The following SUMF1 variants were observed in gnomAD, a reference collection of about 807,000 sequenced individuals.
SUMF1 encodes the protein formylglycine-generating enzyme.
SUMF1 carries 48 observed loss-of-function variants against 47.6 expected under a neutral mutation model. That is an observed-to-expected ratio of 1.01 (90% CI 0.80 to 1.28). SUMF1 has a LOEUF of 1.28. SUMF1 is among the 50% of genes most tolerant of loss of function. The probability of loss-of-function intolerance (pLI) is 0.00; values close to 1 mark genes in which losing one functional copy is unlikely to be tolerated. For synonymous variants in SUMF1, 230 were observed against 192.1 expected (o/e 1.20, Z -1.63); for missense variants, 571 against 485.4 (o/e 1.18, Z -1.66).
intron 8 of SUMF1, among the ~76,000 whole-genome samples, chr3:4,167,591 G>C (rs943910257): frequency 6.6e-6 from 1 of 152,082 alleles, no homozygotes; most frequent in East Asian, 1.9e-4. Context: ...GCTAGCTACA[G>C]AGCGCTGATT....
At chr3:4,170,425 T>C (rs1694806993) in intron 8 of SUMF1, among the ~76,000 whole-genome samples, 1 of 152,150 alleles carries the variant, frequency 6.6e-6, no homozygotes, top group South Asian at 2.1e-4. Context: ...TGGCCACACT[T>C]TGAGAACTGC....
At chr3:4,262,888 G>A (rs1031442455) in intron 8 of SUMF1, among the ~76,000 whole-genome samples, 1 of 152,156 alleles carries the variant, frequency 6.6e-6, no homozygotes, top group African/African-American at 2.4e-5. Context: ...GCTACGTAAA[G>A]AAGAAAAGGA....
At chr3:4,312,871 G>C in intron 8 of SUMF1, 2 of 1,581,438 alleles carry the variant, frequency 1.3e-6, no homozygotes, top group Non-Finnish European at 1.7e-6. Flanking sequence ...ATGCCGTGCT[G>C]ACTTACAGTG....
At chr3:4,424,061 A>T (rs955367335) in intron 3 of SUMF1, among the ~76,000 whole-genome samples, 4 of 152,206 alleles carry the variant, frequency 2.6e-5, no homozygotes. Context: ...TAGCAATTGC[A>T]GGAACAGCTT....
intron 8 of SUMF1, among the ~76,000 whole-genome samples, chr3:4,321,592 TAATA>T (rs767940816): frequency 6.6e-5 from 10 of 151,310 alleles, no homozygotes; most frequent in Non-Finnish European, 1.2e-4. Context: ...TTGAGCAAGA[TAATA>T]AATAAAGTAG....
intron 8 of SUMF1, among the ~76,000 whole-genome samples, chr3:4,212,410 C>A (rs919510249): frequency 9.2e-5 from 14 of 152,078 alleles, no homozygotes; most frequent in Non-Finnish European, 1.6e-4. Flanking sequence ...ATCCGACGGT[C>A]ACCAACATCA....
At chr3:4,396,816 G>A (rs111917386) in intron 7 of SUMF1, among the ~76,000 whole-genome samples, 28 of 152,272 alleles carry the variant, frequency 1.8e-4, no homozygotes, top group African/African-American at 6.3e-4. Flanking sequence ...GAGGCCCCAG[G>A]AGAATGATTA....
chr3:4,341,701 T>TA (rs1309985124), intron 8 of SUMF1, among the ~76,000 whole-genome samples: 1 of 152,178 alleles, frequency 6.6e-6, no homozygotes, highest in African/African-American at 2.4e-5. Flanking sequence ...ACTCCCCATT[T>TA]AAAAAAATTT....
intron 1 of SUMF1, 65 bp downstream of exon 1, chr3:4,466,911 G>T (rs772942101): frequency 2.5e-5 from 40 of 1,572,580 alleles, no homozygotes; most frequent in Admixed American, 7.3e-5. Flanking sequence ...GCCTTGCTTT[G>T]CCTACTCCAA....
At chr3:4,070,884 G>C (rs1695506278) in intron 8 of SUMF1, among the ~76,000 whole-genome samples, 1 of 152,022 alleles carries the variant, frequency 6.6e-6, no homozygotes, top group African/African-American at 2.4e-5. Context: ...ACCCACCTCG[G>C]CCTCCCAAAG....
At position 4,180,683 on chromosome 3, in the gene SUMF1, A is replaced by AACACAC. The variant is rs59921396; in HGVS notation, c.1015-111944_1015-111939dup. On this transcript the variant is annotated intron_variant and NMD_transcript_variant, in intron 8 of 12. Transcript: ENST00000448413. Reference sequence around the variant, plus strand: ...ATTGTGCACATGTACCCTAGAACTTAACACACACACACACACAAAATTAGC... The same window carrying AACACAC: ...ATTGTGCACATGTACCCTAGAACTTAACACACACACACACACACACACAAAATTAGC... 2.0e-3 allele frequency among the ~76,000 whole-genome samples: 278 copies of AACACAC among 139,734 alleles called. 9 individuals carry two copies. The East Asian group carries it at 0.047, about 24-fold the overall frequency. 91.7% of individuals were successfully genotyped at this position (139,734 alleles called of 152,430 possible).
In SUMF1 at chr3:4,448,750, G is replaced by A. The variant is rs573153324; in HGVS notation, c.519+516C>T. 1.1e-3 allele frequency among the ~76,000 whole-genome samples: 160 copies of A among 152,058 alleles called. 1 individual carries two copies. The highest frequency in any genetic ancestry group is 2.0e-3 in the Non-Finnish European group (137 of 68,022). On this transcript the variant is annotated intron_variant, in intron 3 of 8. Coordinates refer to ENST00000272902, the MANE Select transcript of SUMF1 (RefSeq NM_182760.4). The stretch of plus-strand genomic sequence containing the variant: ...ATTCCCTGGATCCTCCATATGGGAG[G>A]GTACACCCCTGCATGTAAAGAACCA...
At chr3:4,188,607 G>A (rs1337418879) in intron 8 of SUMF1, among the ~76,000 whole-genome samples, 1 of 152,086 alleles carries the variant, frequency 6.6e-6, no homozygotes, top group African/African-American at 2.4e-5. Context: ...GACTATATAA[G>A]GCAGTGTAGC....
At chr3:4,234,836 G>A (rs1011425813) in intron 8 of SUMF1, among the ~76,000 whole-genome samples, 1 of 152,122 alleles carries the variant, frequency 6.6e-6, no homozygotes, top group African/African-American at 2.4e-5. Flanking sequence ...AAGAGAGCAT[G>A]GCATCGTCAA....
chr3:4,167,056 A>C (rs1486602990), intron 8 of SUMF1, among the ~76,000 whole-genome samples: 1 of 152,048 alleles, frequency 6.6e-6, no homozygotes. Flanking sequence ...CCACGTGGCG[A>C]TACCCCGGAT....
intron 8 of SUMF1, among the ~76,000 whole-genome samples, chr3:4,175,250 G>A (rs1559537356): frequency 2.6e-5 from 4 of 152,118 alleles, no homozygotes; most frequent in South Asian, 2.1e-4. Flanking sequence ...CCTGACCCCC[G>A]TGTAGCCTAA....
intron 8 of SUMF1, among the ~76,000 whole-genome samples, chr3:4,151,373 ATG>A (rs1694320017): frequency 6.8e-6 from 1 of 146,480 alleles, no homozygotes; most frequent in Non-Finnish European, 1.5e-5. Context: ...ATATATATAC[ATG>A]TGTGTATATA....
At chr3:4,075,637 C>A (rs1389566654) in intron 8 of SUMF1, among the ~76,000 whole-genome samples, 1 of 152,126 alleles carries the variant, frequency 6.6e-6, no homozygotes, top group Non-Finnish European at 1.5e-5. Flanking sequence ...GTAACTTCAG[C>A]AAAGTCTCAG....
intron 8 of SUMF1, among the ~76,000 whole-genome samples, chr3:4,139,568 A>ATG (rs370162925): frequency 0.011 from 1,692 of 150,164 alleles, 38 homozygotes; most frequent in African/African-American, 0.038. Context: ...ATATATATGC[A>ATG]TGTGTGTGTG....
Sources: allele counts gnomAD v4.1 joint callset (sites outside exome capture counted in the v4.1 genomes callset), GRCh38; gene constraint gnomAD v4.1.1; transcripts MANE v1.5; gene names NCBI Gene and HGNC (gene_info 2026-07-23, HGNC 2026-07-21).